Variants in SNX13 observed in about 807,000 individuals in gnomAD.
The protein encoded by SNX13 is sorting nexin 13.
In SNX13, 45 loss-of-function variants were observed where a neutral mutation model predicts 133.6. The ratio of observed to expected loss-of-function variants is 0.34; its 90% CI spans 0.27 to 0.43. The LOEUF is 0.43. Among genes scored for constraint, SNX13 ranks in the 20% least tolerant of loss-of-function variants. The probability of loss-of-function intolerance (pLI) is 1.00; values close to 1 mark genes in which losing one functional copy is unlikely to be tolerated. For synonymous variants in SNX13, 414 were observed against 373.9 expected (o/e 1.11, Z -1.24); for missense variants, 1,032 against 1,145.1 (o/e 0.90, Z 1.43).
At chr7:17,861,340 TCTCACA>T (rs1377635537) in intron 9 of SNX13, among the ~76,000 whole-genome samples, 153 of 89,188 alleles carry the variant, frequency 1.7e-3, no homozygotes, top group African/African-American at 6.4e-3. Context: ...CATACAGTTA[TCTCACA>T]CACACACACA....
At chr7:17,940,153 G>T in intron 1 of SNX13, 131 bp downstream of exon 1, 2 of 1,225,800 alleles carry the variant, frequency 1.6e-6, no homozygotes, top group Non-Finnish European at 2.3e-6. Flanking sequence ...TAGGATCCCC[G>T]CTGCTCCTCG....
intron 5 of SNX13, chr7:17,882,912 T>C (rs527821245): frequency 4.3e-5 from 47 of 1,086,926 alleles, no homozygotes; most frequent in South Asian, 6.9e-5. Context: ...GATTGCGCCA[T>C]TGTACTCCAG....
intron 11 of SNX13, 83 bp downstream of exon 11, chr7:17,850,264 G>T: frequency 1.2e-6 from 1 of 805,980 alleles, no homozygotes; most frequent in Non-Finnish European, 1.8e-6. Context: ...TAAACGTCCT[G>T]CTTTTTGTCC....
chr7:17,907,052 G>A (rs777077578), intron 1 of SNX13, among the ~76,000 whole-genome samples: 2 of 152,102 alleles, frequency 1.3e-5, no homozygotes, highest in Middle Eastern at 3.4e-3. Flanking sequence ...TTTGTATTGT[G>A]TTTATAATTT....
chr7:17,845,709 G>A lies in SNX13; in HGVS notation c.1066-15C>T. The stretch of plus-strand genomic sequence containing the variant: ...GTATTTATTTCCTACAGGCAAAAGT[G>A]AATATAAGTTAATATTTTATCTAAT... On this transcript the variant is annotated splice_polypyrimidine_tract_variant and intron_variant, in intron 11 of 25. Coordinates refer to ENST00000428135, the MANE Select transcript of SNX13 (RefSeq NM_015132.5). 6.6e-7 allele frequency: 1 copy of A among 1,506,190 alleles called. No individual in the cohort carries two copies. The highest frequency in any genetic ancestry group is 9.0e-7 in the Non-Finnish European group (1 of 1,105,934). The allele number at this position is 1,506,190 out of a possible 1,614,324, so 93.3% of individuals were successfully genotyped here. A position where few individuals can be genotyped will look rare whatever the true frequency, so the allele number is the denominator to read the frequency against.
At chr7:17,894,295 CA>C (rs200563716) in intron 2 of SNX13, among the ~76,000 whole-genome samples, 29 of 133,142 alleles carry the variant, frequency 2.2e-4, no homozygotes, top group South Asian at 4.7e-4. Flanking sequence ...AGACTCGCCT[CA>C]AAAAAAAAAA....
chr7:17,905,307 GGTAT>G (rs1315647517), intron 1 of SNX13, among the ~76,000 whole-genome samples: 4 of 152,034 alleles, frequency 2.6e-5, no homozygotes, highest in African/African-American at 9.7e-5. Context: ...TTACTAGGTG[GGTAT>G]GTGCTAGGCC....
At position 17,796,836 on chromosome 7, in the gene SNX13, T is replaced by C. The variant is rs772372973; in HGVS notation, c.2617A>G (p.Ile873Val). ...ATACATGCTCACTCACCTGGCATAATTGCAAGTAATTTCGTTTTTCCTGCT... is the reference window on the plus strand; with the variant it reads ...ATACATGCTCACTCACCTGGCATAACTGCAAGTAATTTCGTTTTTCCTGCT... ...RVAGKTKLLA[I>V]MPDELKHIIG... The change falls in exon 25 of 26, where the codon ATT becomes GTT. Residue 873 changes from isoleucine (I) to valine (V), a missense_variant. By Grantham distance (29) the Ile-to-Val change is conservative. Transcript: ENST00000428135. The C allele has an allele frequency of 1.9e-6, 3 of 1,605,320 alleles. No individual in the cohort carries two copies. The highest frequency in any genetic ancestry group is 2.6e-6 in the Non-Finnish European group (3 of 1,173,106).
chr7:17,796,728 G>T, intron 25 of SNX13, 99 bp downstream of exon 25: 3 of 813,294 alleles, frequency 3.7e-6, no homozygotes, highest in Non-Finnish European at 4.2e-6. Context: ...TCAAAAGGTA[G>T]TTGTTATAAT....
At chr7:17,922,886 C>T (rs1443877303) in intron 1 of SNX13, among the ~76,000 whole-genome samples, 2 of 152,082 alleles carry the variant, frequency 1.3e-5, no homozygotes, top group East Asian at 3.8e-4. Context: ...TGAAAGTAGA[C>T]ATGCAGACTG....
intron 5 of SNX13, among the ~76,000 whole-genome samples, chr7:17,884,699 A>C (rs1478143368): frequency 6.6e-6 from 1 of 152,228 alleles, no homozygotes; most frequent in African/African-American, 2.4e-5. Flanking sequence ...ATTGAAAACA[A>C]ACCATCTATC....
chr7:17,837,497 A>G (rs1789278522), intron 13 of SNX13, among the ~76,000 whole-genome samples: 1 of 152,052 alleles, frequency 6.6e-6, no homozygotes, highest in South Asian at 2.1e-4. Flanking sequence ...TTACTTATTA[A>G]AAACAGGTTT....
intron 20 of SNX13, among the ~76,000 whole-genome samples, chr7:17,812,200 C>T (rs1786127998): frequency 6.6e-6 from 1 of 151,550 alleles, no homozygotes; most frequent in Non-Finnish European, 1.5e-5. Flanking sequence ...CTACCATCAG[C>T]ATAAACTGTA....
At chr7:17,876,971 AT>A (rs561925012) in intron 5 of SNX13, among the ~76,000 whole-genome samples, 116 of 150,020 alleles carry the variant, frequency 7.7e-4, no homozygotes, top group African/African-American at 2.7e-3. Flanking sequence ...GTATGCCATA[AT>A]TCATTATGGT....
chr7:17,876,252 T>C (rs1327967802), intron 5 of SNX13, among the ~76,000 whole-genome samples: 1 of 152,212 alleles, frequency 6.6e-6, no homozygotes. Flanking sequence ...GCAACACATG[T>C]TCTGAACGTT....
chr7:17,910,362 C>T (rs867105842), intron 1 of SNX13, among the ~76,000 whole-genome samples: 5 of 151,932 alleles, frequency 3.3e-5, no homozygotes, highest in African/African-American at 7.3e-5. Context: ...AAAGATGTAC[C>T]GAGAGTTCGT....
intron 20 of SNX13, among the ~76,000 whole-genome samples, chr7:17,808,528 T>G (rs1241540286): frequency 6.6e-6 from 1 of 152,162 alleles, no homozygotes; most frequent in African/African-American, 2.4e-5. Context: ...TGGAAAACAC[T>G]CTTCAGGATA....
At chr7:17,800,232 C>T (rs765125510) in intron 22 of SNX13, among the ~76,000 whole-genome samples, 2 of 151,748 alleles carry the variant, frequency 1.3e-5, no homozygotes, top group Non-Finnish European at 3.0e-5. Context: ...ACATAATAAA[C>T]ATCCTAAAAT....
At chr7:17,894,774 G>C (rs1225970047) in intron 2 of SNX13, among the ~76,000 whole-genome samples, 2 of 152,078 alleles carry the variant, frequency 1.3e-5, no homozygotes, top group South Asian at 4.1e-4. Flanking sequence ...GACAGGAAGG[G>C]AACAGTAAAA....
Sources: allele counts gnomAD v4.1 joint callset (sites outside exome capture counted in the v4.1 genomes callset), GRCh38; gene constraint gnomAD v4.1.1; transcripts MANE v1.5; gene names NCBI Gene and HGNC (gene_info 2026-07-23, HGNC 2026-07-21).